The following LYVE1 variants were observed in gnomAD, a reference collection of about 807,000 sequenced individuals.
LYVE1 encodes lymphatic vessel endothelial hyaluronic acid receptor 1.
Under a neutral mutation model 31.5 loss-of-function variants are expected in LYVE1, and 29 were observed. The observed-to-expected ratio is 0.92, with a 90% CI of 0.69 to 1.26. The LOEUF (loss-of-function observed/expected upper bound fraction) is 1.26. Ranked by LOEUF, LYVE1 falls within the 50% of genes most tolerant of loss-of-function variation. LYVE1 has a pLI of 0.00. For synonymous variants in LYVE1, 134 were observed against 139.4 expected (o/e 0.96, Z 0.27); for missense variants, 376 against 380.2 (o/e 0.99, Z 0.09).
At chr11:10,559,701 A>G (rs1850378835) in intron 5 of LYVE1, 115 bp downstream of exon 5, 2 of 807,698 alleles carry the variant, frequency 2.5e-6, no homozygotes, top group Admixed American at 2.6e-5. Flanking sequence ...AGAAATTTAT[A>G]TCAGAGGACT....
intron 3 of LYVE1, among the ~76,000 whole-genome samples, chr11:10,563,067 C>A (rs1346295707): frequency 6.7e-6 from 1 of 148,772 alleles, no homozygotes; most frequent in Non-Finnish European, 1.5e-5. Context: ...CATTCTCCTG[C>A]CTCAGCCTCC....
intron 3 of LYVE1, among the ~76,000 whole-genome samples, chr11:10,562,322 T>C (rs911779023): frequency 4.6e-5 from 7 of 152,246 alleles, no homozygotes; most frequent in Admixed American, 3.9e-4. Flanking sequence ...TGCCACTAAC[T>C]GACCGTAGGA....
At position 10,568,435 on chromosome 11, in the gene LYVE1, G is replaced by C. The variant is rs970342420; in HGVS notation, c.85+13C>G. 6 of 1,613,246 alleles carry C rather than the reference G, an allele frequency of 3.7e-6. No individual in the cohort carries two copies. Among genetic ancestry groups the C allele is most frequent in the South Asian group, 2.2e-5 (2 of 91,016 alleles). On this transcript the variant is annotated intron_variant, in intron 1 of 5. Coordinates refer to ENST00000256178, the MANE Select transcript of LYVE1 (RefSeq NM_006691.4). ...AGCCTTGCTTCAGTTTGGAAATCTG[G>C]TGAGAAACCTACCTTCTGCACGCAA...
chr11:10,560,810 T>C lies in LYVE1; in HGVS notation c.398-10A>G, dbSNP rs767004446. ...GAGTTAGTCCAAGTATCTGTTGGGA[T>C]AGGGAAACATGGAATAAAAGTATTG... On this transcript the variant is annotated splice_polypyrimidine_tract_variant and intron_variant, in intron 3 of 5. Coordinates refer to ENST00000256178, the MANE Select transcript of LYVE1 (RefSeq NM_006691.4). 21 of 1,595,250 alleles carry C rather than the reference T, an allele frequency of 1.3e-5. No homozygotes were observed. The Admixed American group carries it at 1.9e-4, about 14-fold the overall frequency.
At position 10,560,728 on chromosome 11, in the gene LYVE1, G is replaced by A. The variant is rs1256378443; in HGVS notation, c.470C>T (p.Thr157Ile). The change falls in exon 4 of 6, where the codon ACA becomes ATA. Residue 157 changes from threonine to isoleucine, a missense_variant. Thr to Ile is a moderately conservative substitution (Grantham distance 89, BLOSUM62 -1). Coordinates refer to ENST00000256178, the MANE Select transcript of LYVE1 (RefSeq NM_006691.4). The part of the protein sequence containing the change: ...KDPIFNTQTA[T>I]QTTEFIVSDS... ...ACTGACAATAAATTCTGTTGTTTGT[G>A]TTGCAGTTTGAGTGTTGAATATGGG... is the stretch of plus-strand genomic sequence containing the variant. 3 of 1,613,866 alleles carry A rather than the reference G, an allele frequency of 1.9e-6. No homozygotes were observed. The highest frequency in any genetic ancestry group is 2.2e-5 in the South Asian group (2 of 91,074).
At chr11:10,559,778 C>G in intron 5 of LYVE1, 38 bp downstream of exon 5, 1 of 1,584,046 alleles carries the variant, frequency 6.3e-7, no homozygotes, top group Non-Finnish European at 8.7e-7. Flanking sequence ...AGAAACATGA[C>G]AAAGATTACA....
rs1850359803 is a variant in LYVE1 at position 10,558,823 on chromosome 11, C to T, written c.*288G>A. The T allele has an allele frequency of 5.8e-6, 2 of 342,440 alleles. No individual in the cohort carries two copies. The highest frequency in any genetic ancestry group is 1.1e-5 in the Non-Finnish European group (2 of 190,224). The allele number at this position is 342,440 out of a possible 1,614,324, so 21.2% of individuals were successfully genotyped here. A position where few individuals can be genotyped will look rare whatever the true frequency, so the allele number is the denominator to read the frequency against. ...AGATGTTTTAGGTCCTTGCACTTTG[C>T]AAAACTCCTTTCTCCCAGTGGGATA... On this transcript the variant is annotated 3_prime_UTR_variant, in exon 6 of 6. Transcript: ENST00000256178.
chr11:10,568,648 C>T lies in LYVE1; in HGVS notation c.-116G>A. ...TTCTGGAACTATGTTGAGGCTCACA[C>T]TCACTGCTCCACTTCATAACCGAGA... On this transcript the variant is annotated 5_prime_UTR_variant, in exon 1 of 6. It adds an upstream start codon to the 5' untranslated region. Transcript: ENST00000256178. The T allele has an allele frequency of 7.4e-7, 1 of 1,356,706 alleles. No individual in the cohort carries two copies. The highest frequency in any genetic ancestry group is 9.6e-7 in the Non-Finnish European group (1 of 1,042,714). 84.0% of individuals were successfully genotyped at this position (1,356,706 alleles called of 1,614,324 possible). A position where few individuals can be genotyped will look rare whatever the true frequency, so the allele number is the denominator to read the frequency against.
intron 3 of LYVE1, among the ~76,000 whole-genome samples, chr11:10,561,387 G>A (rs1305036460): frequency 3.9e-5 from 6 of 152,242 alleles, no homozygotes; most frequent in African/African-American, 1.4e-4. Flanking sequence ...TGATGAATAG[G>A]GAAGGAAGGA....
At chr11:10,562,351 C>T (rs1402628242) in intron 3 of LYVE1, among the ~76,000 whole-genome samples, 4 of 152,222 alleles carry the variant, frequency 2.6e-5, no homozygotes, top group Non-Finnish European at 4.4e-5. Context: ...AAGCTAAGCC[C>T]GTGTTCTGAA....
chr11:10,558,982 G>A lies in LYVE1; in HGVS notation c.*129C>T, dbSNP rs760434974. 13 of 814,298 alleles carry A rather than the reference G, an allele frequency of 1.6e-5. No individual in the cohort carries two copies. Among genetic ancestry groups the A allele is most frequent in the Non-Finnish European group, 2.6e-5 (13 of 499,624 alleles). The allele number at this position is 814,298 out of a possible 1,614,324, so 50.4% of individuals were successfully genotyped here. ...CATAGTCCAATGGCAGTCCTGAGCT[G>A]ATTCCAGTTAGGAACCAAGGGTGGA... On this transcript the variant is annotated 3_prime_UTR_variant, in exon 6 of 6. Coordinates refer to ENST00000256178, the MANE Select transcript of LYVE1 (RefSeq NM_006691.4).
At chr11:10,561,908 A>G (rs950621933) in intron 3 of LYVE1, among the ~76,000 whole-genome samples, 2 of 152,216 alleles carry the variant, frequency 1.3e-5, no homozygotes, top group Non-Finnish European at 2.9e-5. Context: ...ACCATGGCAC[A>G]TGTATACCTA....
chr11:10,568,483 G>A lies in LYVE1; in HGVS notation c.50C>T (p.Thr17Met), dbSNP rs749679062. The A allele has an allele frequency of 9.9e-6, 16 of 1,613,890 alleles. No homozygotes were observed. The highest frequency in any genetic ancestry group is 4.0e-5 in the African/African-American group (3 of 74,918). Residue 17 changes from threonine to methionine, a missense_variant, in exon 1 of 6, where the codon ACG (threonine) becomes ATG (methionine). Transcript: ENST00000256178. Reference protein sequence around the residue: ...LVLLLTSIWTTRLLVQGSLRA... With the variant: ...LVLLLTSIWTMRLLVQGSLRA... ...CAAAGAGCCTTGGACCAGGAGCCTCGTGGTCCAGATGGAAGTGAGAAGCAA... is the reference window on the plus strand; with the variant it reads ...CAAAGAGCCTTGGACCAGGAGCCTCATGGTCCAGATGGAAGTGAGAAGCAA...
Position 10,559,299 on chromosome 11 carries a change from T to A in LYVE1, c.783-2A>T, listed in dbSNP as rs755634933. 1.9e-6 allele frequency: 3 copies of A among 1,609,854 alleles called. No homozygotes were observed. The highest frequency in any genetic ancestry group is 2.5e-6 in the Non-Finnish European group (3 of 1,178,136). ...GTAAAAGGGAAGGCCTTCACATACCTTTAGGCAGAAACATGAAATTAAAGT... is the reference window on the plus strand; with the variant it reads ...GTAAAAGGGAAGGCCTTCACATACCATTAGGCAGAAACATGAAATTAAAGT... On this transcript the variant is annotated splice_acceptor_variant, in intron 5 of 5. Transcript: ENST00000256178. LOFTEE classifies it high-confidence loss of function.
At chr11:10,567,002 A>G (rs1353162210) in intron 1 of LYVE1, among the ~76,000 whole-genome samples, 1 of 152,216 alleles carries the variant, frequency 6.6e-6, no homozygotes, top group Non-Finnish European at 1.5e-5. Context: ...CATAGTAGAA[A>G]TAGTGTATGC....
At position 10,560,686 on chromosome 11, in the gene LYVE1, A is replaced by G. The variant is rs975543146; in HGVS notation, c.512T>C (p.Val171Ala). The change falls in exon 4 of 6, where the codon GTG becomes GCG. Residue 171 changes from valine to alanine, a missense_variant. Transcript: ENST00000256178. The stretch of plus-strand genomic sequence containing the variant: ...AGGTATTGTAGAGTAAGGGGATGCC[A>G]CCGAGTAGGTACTGTCACTGACAAT... The part of the protein sequence containing the change: ...EFIVSDSTYS[V>A]ASPYSTIPAP... 2.5e-6 allele frequency: 4 copies of G among 1,614,044 alleles called. No homozygotes were observed. The highest frequency in any genetic ancestry group is 2.5e-6 in the Non-Finnish European group (3 of 1,179,898).
chr11:10,559,676 G>A, intron 5 of LYVE1, 140 bp downstream of exon 5: 2 of 662,010 alleles, frequency 3.0e-6, no homozygotes, highest in South Asian at 2.0e-5. Context: ...TGAAGGGAAA[G>A]AGATGAGATG....
chr11:10,567,693 G>A (rs1850569217), intron 1 of LYVE1, among the ~76,000 whole-genome samples: 1 of 152,112 alleles, frequency 6.6e-6, no homozygotes, highest in Non-Finnish European at 1.5e-5. Flanking sequence ...GCAAAATGAG[G>A]TTTCCATTTA....
chr11:10,560,288 C>A (rs185746009), intron 4 of LYVE1, among the ~76,000 whole-genome samples: 1 of 152,238 alleles, frequency 6.6e-6, no homozygotes, highest in East Asian at 1.9e-4. Context: ...CAGTGAAATT[C>A]TTTTATACTT....
Sources: allele counts gnomAD v4.1 joint callset (sites outside exome capture counted in the v4.1 genomes callset), GRCh38; gene constraint gnomAD v4.1.1; transcripts MANE v1.5; gene names NCBI Gene and HGNC (gene_info 2026-07-23, HGNC 2026-07-21).